The following TENM2 variants were observed in gnomAD, a reference collection of about 807,000 sequenced individuals.
The protein encoded by TENM2 is teneurin-2.
TENM2 carries 52 observed loss-of-function variants against 245.2 expected under a neutral mutation model. That is an observed-to-expected ratio of 0.21 (90% CI 0.17 to 0.27). The LOEUF (loss-of-function observed/expected upper bound fraction) is 0.27. TENM2 is among the 10% of genes least tolerant of loss of function. TENM2 has a pLI of 1.00. For missense variants in TENM2, 3,046 were observed against 3,666.8 expected (o/e 0.83, Z 4.37); for synonymous variants, 1,363 against 1,438.9 (o/e 0.95, Z 1.19).
chr5:167,863,716 T>C (rs1583219585), intron 2 of TENM2, among the ~76,000 whole-genome samples: 2 of 152,230 alleles, frequency 1.3e-5, no homozygotes, highest in African/African-American at 4.8e-5. Context: ...TGGCATGTGT[T>C]GACTGAGGCC....
chr5:167,355,896 A>G (rs1421020901), intron 1 of TENM2, among the ~76,000 whole-genome samples: 2 of 148,178 alleles, frequency 1.3e-5, no homozygotes, highest in Admixed American at 6.8e-5. Flanking sequence ...TAAAGCTAGG[A>G]AGATGGCTGG....
At chr5:167,055,655 A>G in the TENM2 span, among the ~76,000 whole-genome samples, 1 of 151,980 alleles carries the variant, frequency 6.6e-6, no homozygotes, top group African/African-American at 2.4e-5. Flanking sequence ...TAAGTATTTA[A>G]TTTTTGTCAG....
intron 1 of TENM2, chr5:167,307,789 G>A (rs888498415): frequency 1.3e-5 from 2 of 152,160 alleles, no homozygotes; most frequent in Non-Finnish European, 2.9e-5. Context: ...TAGAAAGCAC[G>A]AGCCGGAAAT....
At chr5:167,946,620 A>AG (rs1248381748) in intron 3 of TENM2, among the ~76,000 whole-genome samples, 2 of 152,162 alleles carry the variant, frequency 1.3e-5, no homozygotes, top group African/African-American at 2.4e-5. Context: ...CAGCCAGGGC[A>AG]GGGGACCTGT....
At chr5:167,428,025 A>AT (rs1177124646) in intron 2 of TENM2, among the ~76,000 whole-genome samples, 1 of 152,118 alleles carries the variant, frequency 6.6e-6, no homozygotes, top group Non-Finnish European at 1.5e-5. Context: ...ATTCTAGTGT[A>AT]TTTTTCCATT....
chr5:167,759,060 G>A (rs1762491914), intron 2 of TENM2, among the ~76,000 whole-genome samples: 1 of 149,898 alleles, frequency 6.7e-6, no homozygotes, highest in African/African-American at 2.5e-5. Context: ...TAAAAACATA[G>A]ACTCAACATC....
intron 2 of TENM2, among the ~76,000 whole-genome samples, chr5:167,458,408 A>G (rs1766052847): frequency 6.8e-6 from 1 of 146,616 alleles, no homozygotes; most frequent in Admixed American, 7.1e-5. Flanking sequence ...AATCCCTTGA[A>G]CCCGGGAGGC....
At chr5:167,810,463 G>A (rs1766553199) in intron 2 of TENM2, among the ~76,000 whole-genome samples, 1 of 151,730 alleles carries the variant, frequency 6.6e-6, no homozygotes, top group African/African-American at 2.4e-5. Context: ...ACCATTACAT[G>A]TCCATACTAA....
At chr5:168,064,037 AC>A (rs1210725695) in intron 7 of TENM2, among the ~76,000 whole-genome samples, 1 of 152,082 alleles carries the variant, frequency 6.6e-6, no homozygotes, top group Non-Finnish European at 1.5e-5. Flanking sequence ...ATGAGTTAAC[AC>A]AGCCCCTGAC....
intron 27 of TENM2, among the ~76,000 whole-genome samples, chr5:168,260,049 G>T (rs1258865755): frequency 1.3e-5 from 2 of 152,078 alleles, no homozygotes; most frequent in African/African-American, 2.4e-5. Context: ...CTTGAGCAAG[G>T]GTCTTCTTAA....
chr5:167,344,327 TATAG>T (rs1554137004), intron 1 of TENM2, among the ~76,000 whole-genome samples: 1,644 of 102,650 alleles, frequency 0.016, 22 homozygotes, highest in African/African-American at 0.033. Context: ...TATATATATA[TATAG>T]ATATATTGCA....
chr5:168,168,598 C>T (rs1190390920), intron 13 of TENM2, among the ~76,000 whole-genome samples: 2 of 150,558 alleles, frequency 1.3e-5, no homozygotes, highest in Non-Finnish European at 2.9e-5. Context: ...GTAGAAGGAT[C>T]GCTTGCTCAG....
At chr5:167,294,784 A>G (rs1160740708) in intron 1 of TENM2, among the ~76,000 whole-genome samples, 1 of 152,172 alleles carries the variant, frequency 6.6e-6, no homozygotes, top group Non-Finnish European at 1.5e-5. Context: ...GTCTTACACC[A>G]GTCCTATTCC....
At chr5:167,064,859 GTTCT>G in the TENM2 span, among the ~76,000 whole-genome samples, 1 of 152,088 alleles carries the variant, frequency 6.6e-6, no homozygotes, top group Non-Finnish European at 1.5e-5. Flanking sequence ...AATAAATTTT[GTTCT>G]TAGACTGTGC....
chr5:167,454,452 C>CTGTGTG (rs5873036), intron 2 of TENM2, among the ~76,000 whole-genome samples: 22,160 of 150,464 alleles, frequency 0.15, 1,976 homozygotes, highest in Non-Finnish European at 0.22. Flanking sequence ...CTAGAAATAA[C>CTGTGTG]TGTGTGTGTG....
the TENM2 span, among the ~76,000 whole-genome samples, chr5:167,089,800 G>C: frequency 6.6e-6 from 1 of 152,178 alleles, no homozygotes; most frequent in African/African-American, 2.4e-5. Context: ...TTGACAAGCA[G>C]TTCTTGGCCT....
chr5:167,780,368 C>G (rs567847605), intron 2 of TENM2, among the ~76,000 whole-genome samples: 1 of 152,214 alleles, frequency 6.6e-6, no homozygotes, highest in East Asian at 1.9e-4. Context: ...CCAACGTGCA[C>G]AGTCCCAGCT....
chr5:167,023,414 A>G, the TENM2 span, among the ~76,000 whole-genome samples: 5 of 152,216 alleles, frequency 3.3e-5, no homozygotes, highest in South Asian at 2.1e-4. Context: ...TAATCCTTCT[A>G]TTGGTTTGTG....
At chr5:167,532,529 T>G (rs1486531903) in intron 2 of TENM2, among the ~76,000 whole-genome samples, 1 of 151,836 alleles carries the variant, frequency 6.6e-6, no homozygotes, top group Non-Finnish European at 1.5e-5. Flanking sequence ...CTCCCGTTTT[T>G]AAAACCATCA....
Sources: allele counts gnomAD v4.1 joint callset (sites outside exome capture counted in the v4.1 genomes callset), GRCh38; gene constraint gnomAD v4.1.1; transcripts MANE v1.5; gene names NCBI Gene and HGNC (gene_info 2026-07-23, HGNC 2026-07-21).